Variants in TMEM198 observed in about 807,000 individuals in gnomAD.
The protein encoded by TMEM198 is transmembrane protein 198.
Under a neutral mutation model 31.5 loss-of-function variants are expected in TMEM198, and 21 were observed. The observed-to-expected ratio is 0.67, with a 90% confidence interval of 0.47 to 0.96. The LOEUF is 0.96. Ranked by LOEUF, TMEM198 falls within the 40% of genes least tolerant of loss-of-function variation. TMEM198 has a pLI of 0.00. For missense variants in TMEM198, 447 were observed against 499.4 expected (o/e 0.89, Z 1.00); for synonymous variants, 211 against 223.3 (o/e 0.95, Z 0.49).
rs1354082172 is a variant in TMEM198, at chr2:219,544,163, G to A, written c.-254G>A. On this transcript the variant is annotated 5_prime_UTR_variant, in exon 1 of 5. Coordinates refer to ENST00000373883, the MANE Select transcript of TMEM198 (RefSeq NM_001005209.3). ...TTCCTCAGGCCCAGCCCGAGTTCCC[G>A]GACGCCGCGGGACTGGAGTGCCAGC... 8.7e-6 allele frequency: 4 copies of A among 458,132 alleles called. No individual in the cohort carries two copies. The Admixed American group carries it at 9.4e-5, about 11-fold the overall frequency. The allele number at this position is 458,132 out of a possible 1,614,324, so 28.4% of individuals were successfully genotyped here.
chr2:219,548,223 T>G, intron 3 of TMEM198, 142 bp downstream of exon 3: 1 of 781,238 alleles, frequency 1.3e-6, no homozygotes, highest in Non-Finnish European at 2.0e-6. Context: ...TCTGGGAGGA[T>G]AGCACCCAGG....
chr2:219,549,636 G>C (rs1190423419), intron 4 of TMEM198, 81 bp from the exon 5 acceptor site: 1 of 1,583,466 alleles, frequency 6.3e-7, no homozygotes, highest in Non-Finnish European at 8.6e-7. Flanking sequence ...AGAAGTGTCA[G>C]GCTTGTGGGA....
At chr2:219,543,956 C>T (rs1344514644), upstream of TMEM198, 1 of 347,872 alleles carries the variant, frequency 2.9e-6, no homozygotes, top group Non-Finnish European at 5.7e-6. Context: ...CTGCCTCCCG[C>T]GGCGTGGTTG....
Position 219,549,880 on chromosome 2 carries a change from A to G in TMEM198, c.*26A>G. 6.2e-7 allele frequency: 1 copy of G among 1,600,678 alleles called. No homozygotes were observed. The highest frequency in any genetic ancestry group is 1.1e-5 in the South Asian group (1 of 90,646). On this transcript the variant is annotated 3_prime_UTR_variant, in exon 5 of 5. Transcript: ENST00000373883. ...CCATATCTGTCTGTCTAGACTCTGCAGTCACCAGCTCTGCCAGCTCGAGGA... is the reference window on the plus strand; with the variant it reads ...CCATATCTGTCTGTCTAGACTCTGCGGTCACCAGCTCTGCCAGCTCGAGGA...
chr2:219,549,819 C>CTT lies in TMEM198; in HGVS notation c.1049_1050insTT (p.Thr351Ter). ...CTATGAGTATGGGTCCCGGGGACCT[C>CTT]TGACAGCCTGCTCAGGCCCCCCAGT... On this transcript the variant is annotated frameshift_variant, in exon 5 of 5. Transcript: ENST00000373883. LOFTEE classifies it high-confidence loss of function. The CTT allele has an allele frequency of 6.2e-7, 1 of 1,614,128 alleles. No homozygotes were observed. The highest frequency in any genetic ancestry group is 8.5e-7 in the Non-Finnish European group (1 of 1,180,002).
At chr2:219,543,699 C>T (rs1049625279), upstream of TMEM198, 11 of 475,346 alleles carry the variant, frequency 2.3e-5, no homozygotes, top group East Asian at 2.5e-4. Flanking sequence ...CGAGCCGAAT[C>T]CCCGGAGCCG....
chr2:219,545,883 C>G (rs954765792), intron 2 of TMEM198, among the ~76,000 whole-genome samples: 2 of 152,044 alleles, frequency 1.3e-5, no homozygotes, highest in Admixed American at 1.3e-4. Context: ...CATTCCTCCC[C>G]CAAACTCTGG....
intron 1 of TMEM198, 64 bp from the exon 2 acceptor site, chr2:219,544,625 T>A: frequency 1.4e-6 from 2 of 1,399,632 alleles, no homozygotes; most frequent in South Asian, 2.5e-5. Context: ...TCCCAATCCC[T>A]CTCCCACCCC....
At chr2:219,548,198 C>A in intron 3 of TMEM198, 117 bp downstream of exon 3, 1 of 976,954 alleles carries the variant, frequency 1.0e-6, no homozygotes, top group Non-Finnish European at 1.5e-6. Flanking sequence ...CGGTAGAGAG[C>A]TGACTTGCTC....
chr2:219,547,183 T>A, intron 2 of TMEM198: 1 of 240,026 alleles, frequency 4.2e-6, no homozygotes. Flanking sequence ...ACTCCTATGA[T>A]CCCAAAGACA....
In TMEM198 at chr2:219,544,202, G is replaced by C. The variant is rs1365140073; in HGVS notation, c.-215G>C. ...TGGAGTGCCAGCCGGTGTTGGACGT[G>C]GAGCGGCGCCGCCACCGCGCCGACA... On this transcript the variant is annotated 5_prime_UTR_variant, in exon 1 of 5. Transcript: ENST00000373883. 1 of 461,878 alleles carries C rather than the reference G, an allele frequency of 2.2e-6. No individual in the cohort carries two copies. Among genetic ancestry groups the C allele is most frequent in the African/African-American group, 2.0e-5 (1 of 50,044 alleles). 28.6% of individuals were successfully genotyped at this position (461,878 alleles called of 1,614,324 possible).
In TMEM198 at chr2:219,547,596, TAG is replaced by T. The variant is rs1299464782; in HGVS notation, c.261_262del (p.Glu87AspfsTer102). On this transcript the variant is annotated frameshift_variant, in exon 3 of 5. Transcript: ENST00000373883. LOFTEE classifies it high-confidence loss of function. ...CTCCTCTGCTACCGAGAGCGGGTGC[TAG>T]AGACACAGCTGAGTGCTGGGGCGAG... 1.4e-6 allele frequency: 2 copies of T among 1,475,834 alleles called. No individual in the cohort carries two copies. The highest frequency in any genetic ancestry group is 1.8e-6 in the Non-Finnish European group (2 of 1,110,658). 91.4% of individuals were successfully genotyped at this position (1,475,834 alleles called of 1,614,324 possible).
In TMEM198 at chr2:219,550,008, T is replaced by C. The variant is rs1695520062; in HGVS notation, c.*154T>C. Reference sequence around the variant, plus strand: ...AGAAGGGAGGATTGTCTCAGGCGAGTCTTGGCCTGAGAGGAAAGCCCCCTC... The same window carrying C: ...AGAAGGGAGGATTGTCTCAGGCGAGCCTTGGCCTGAGAGGAAAGCCCCCTC... On this transcript the variant is annotated 3_prime_UTR_variant, in exon 5 of 5. Transcript: ENST00000373883. The C allele has an allele frequency of 9.3e-7, 1 of 1,073,984 alleles. No individual in the cohort carries two copies. Among genetic ancestry groups the C allele is most frequent in the South Asian group, 1.7e-5 (1 of 59,738 alleles). 66.5% of individuals were successfully genotyped at this position (1,073,984 alleles called of 1,614,324 possible).
upstream of TMEM198, chr2:219,543,746 G>A (rs1695329396): frequency 2.2e-6 from 1 of 453,142 alleles, no homozygotes; most frequent in Admixed American, 4.1e-5. Flanking sequence ...TCTGGGCTGC[G>A]CAGGGTTCTT....
intron 3 of TMEM198, 33 bp from the exon 4 acceptor site, chr2:219,549,119 C>T (rs1385593359): frequency 6.2e-7 from 1 of 1,612,376 alleles, no homozygotes; most frequent in East Asian, 2.2e-5. Flanking sequence ...GCGCACCGTC[C>T]TCTGAGCTCC....
At position 219,544,137 on chromosome 2, in the gene TMEM198, C is replaced by G; in HGVS notation, c.-280C>G. 2.2e-6 allele frequency: 1 copy of G among 456,290 alleles called. No homozygotes were observed. Among genetic ancestry groups the G allele is most frequent in the South Asian group, 1.6e-5 (1 of 64,470 alleles). 28.3% of individuals were successfully genotyped at this position (456,290 alleles called of 1,614,324 possible). On this transcript the variant is annotated 5_prime_UTR_variant, in exon 1 of 5. Transcript: ENST00000373883. ...CGAGCCCCGGCTCCTGCGCCTTCCC[C>G]TTCCTCAGGCCCAGCCCGAGTTCCC...
rs1290224970 is a variant in TMEM198, at chr2:219,547,757, T to TA, written c.419dup (p.Tyr140Ter). Residue 140 changes from tyrosine (Y) to a stop codon, truncating the protein, a stop_gained and frameshift_variant, in exon 3 of 5, where the codon TAC becomes TAAC. Coordinates refer to ENST00000373883, the MANE Select transcript of TMEM198 (RefSeq NM_001005209.3). LOFTEE classifies it high-confidence loss of function. ...TGCTGCCCTGCTGGGCTCCGCACCC[T>TA]ACTACCAGCCAGGCTCCGTGTGGGG... ...AAAALLGSAP[Y>*]YQPGSVWGPL... 6.3e-7 allele frequency: 1 copy of TA among 1,594,290 alleles called. No homozygotes were observed. The highest frequency in any genetic ancestry group is 8.5e-7 in the Non-Finnish European group (1 of 1,176,758).
At chr2:219,547,459 C>G (rs762894543) in intron 2 of TMEM198, 47 bp from the exon 3 acceptor site, 2 of 1,383,698 alleles carry the variant, frequency 1.4e-6, no homozygotes, top group South Asian at 2.1e-5. Context: ...CTCCCTCCAG[C>G]CTGGTGCCCT....
intron 1 of TMEM198, 142 bp downstream of exon 1, chr2:219,544,519 T>G: frequency 1.6e-6 from 1 of 624,854 alleles, no homozygotes; most frequent in Non-Finnish European, 2.8e-6. Context: ...GCCAGGCACT[T>G]TTGTTTCCCT....
Sources: allele counts gnomAD v4.1 joint callset (sites outside exome capture counted in the v4.1 genomes callset), GRCh38; gene constraint gnomAD v4.1.1; transcripts MANE v1.5; gene names NCBI Gene and HGNC (gene_info 2026-07-23, HGNC 2026-07-21).